Variants in TMEM266 observed in about 807,000 individuals in gnomAD.
TMEM266 encodes Hv1 related protein 1.
TMEM266 carries 33 observed loss-of-function variants against 50.5 expected under a neutral mutation model. The observed-to-expected ratio is 0.65, with a 90% CI of 0.50 to 0.87. The LOEUF (loss-of-function observed/expected upper bound fraction) is 0.87, where lower values mean the gene tolerates loss of function less well. TMEM266 is among the 40% of genes least tolerant of loss of function. TMEM266 has a pLI of 0.00. For missense variants in TMEM266, 655 were observed against 695.1 expected, an observed-to-expected ratio of 0.94 and a Z score of 0.65; for synonymous variants, 310 against 292.3, an observed-to-expected ratio of 1.06 and a Z score of -0.62.
Position 76,161,374 on chromosome 15 carries a change from G to A in TMEM266, c.456+1206G>A, listed in dbSNP as rs535271316. Among the ~76,000 whole-genome samples, 123 of 152,220 alleles carry A rather than the reference G, an allele frequency of 8.1e-4. 1 individual carries two copies. Among genetic ancestry groups the A allele is most frequent in the African/African-American group, 2.7e-3 (112 of 41,536 alleles). On this transcript the variant is annotated intron_variant, in intron 5 of 10. Coordinates refer to ENST00000388942, the MANE Select transcript of TMEM266 (RefSeq NM_152335.3). This position sits in a 1 kb window ranked among gnomAD's most constrained non-coding sequence, Gnocchi z 4.1. ...GAAGGATGCTATGGGAGAGGGTGGC[G>A]TGGGCAGAGGCACTGAGGTGGGGAA...
intron 1 of TMEM266, among the ~76,000 whole-genome samples, chr15:76,081,716 G>A (rs1393964925): frequency 6.6e-6 from 1 of 152,146 alleles, no homozygotes; most frequent in Non-Finnish European, 1.5e-5. Context: ...GTGAAAATCT[G>A]GTAGATGGCG....
In TMEM266 at chr15:76,134,242, C is replaced by T. The variant is rs1203106790; in HGVS notation, c.-22C>T. 6.2e-7 allele frequency: 1 copy of T among 1,613,680 alleles called. No homozygotes were observed. ...CAGCAGGCTTCAGGACAGCTGAGCC[C>T]CACTAAACACCAAGAAAACCCATGG... On this transcript the variant is annotated 5_prime_UTR_variant, in exon 2 of 11. Coordinates refer to ENST00000388942, the MANE Select transcript of TMEM266 (RefSeq NM_152335.3).
intron 1 of TMEM266, among the ~76,000 whole-genome samples, chr15:76,098,928 C>G (rs529356114): frequency 1.3e-5 from 2 of 152,202 alleles, no homozygotes; most frequent in South Asian, 4.2e-4. Flanking sequence ...CCCTCCCCCC[C>G]ACCAAGCTAG....
chr15:76,075,754 A>G (rs1053295849), intron 1 of TMEM266, among the ~76,000 whole-genome samples: 2 of 148,774 alleles, frequency 1.3e-5, no homozygotes, highest in African/African-American at 5.0e-5. Flanking sequence ...TCTCTCATCT[A>G]TCACATACAT....
chr15:76,166,418 C>CA (rs575431530), intron 5 of TMEM266, among the ~76,000 whole-genome samples: 130 of 152,302 alleles, frequency 8.5e-4, no homozygotes, highest in African/African-American at 2.8e-3. Context: ...GAAAGGCTCC[C>CA]AGAAGAGTGG....
chr15:76,166,162 A>G (rs1478419616), intron 5 of TMEM266, among the ~76,000 whole-genome samples: 2 of 151,992 alleles, frequency 1.3e-5, no homozygotes, highest in African/African-American at 4.8e-5. Flanking sequence ...GGGGCAGGGC[A>G]GTGAGGTTCT....
chr15:76,171,418 G>C (rs542884134), intron 7 of TMEM266, among the ~76,000 whole-genome samples: 1 of 152,348 alleles, frequency 6.6e-6, no homozygotes, highest in Non-Finnish European at 1.5e-5. Flanking sequence ...CAGCCCCCAT[G>C]CAAGCCCTTA....
At position 76,138,047 on chromosome 15, in the gene TMEM266, C is replaced by T. The variant is rs2037618540; in HGVS notation, c.227+152C>T. 6 of 678,926 alleles carry T rather than the reference C, an allele frequency of 8.8e-6. No homozygotes were observed. In the South Asian group the frequency reaches 9.7e-5, roughly 11 times the overall value. 42.1% of individuals were successfully genotyped at this position (678,926 alleles called of 1,614,324 possible). A position where few individuals can be genotyped will look rare whatever the true frequency, so the allele number is the denominator to read the frequency against. On this transcript the variant is annotated intron_variant, in intron 3 of 10. Transcript: ENST00000388942. Reference sequence around the variant, plus strand: ...GACCAGCCTGGCCAACATGGTAAAACCCTGTCTCTACTAAAAATACAAAAA... The same window carrying T: ...GACCAGCCTGGCCAACATGGTAAAATCCTGTCTCTACTAAAAATACAAAAA...
intron 1 of TMEM266, among the ~76,000 whole-genome samples, chr15:76,064,722 C>G (rs747422469): frequency 4.6e-5 from 7 of 152,182 alleles, no homozygotes; most frequent in Non-Finnish European, 5.9e-5. Context: ...GCTGATAACT[C>G]CTATTCCCAG....
chr15:76,136,008 A>G (rs1301705512), intron 2 of TMEM266, among the ~76,000 whole-genome samples: 1 of 151,874 alleles, frequency 6.6e-6, no homozygotes, highest in Non-Finnish European at 1.5e-5. Flanking sequence ...CAATGGCCCA[A>G]TCTCAGCTCA....
chr15:76,060,719 C>T (rs898540724), intron 1 of TMEM266, among the ~76,000 whole-genome samples: 6 of 152,206 alleles, frequency 3.9e-5, no homozygotes, highest in African/African-American at 1.2e-4. Context: ...CTGGGACTTG[C>T]ATACTCAAAC....
intron 1 of TMEM266, among the ~76,000 whole-genome samples, chr15:76,127,902 C>T (rs1043935890): frequency 2.0e-5 from 3 of 152,080 alleles, no homozygotes; most frequent in Admixed American, 6.6e-5. Context: ...TGTACATTTT[C>T]GAACACTCCA....
At chr15:76,093,253 C>T (rs2036877035) in intron 1 of TMEM266, among the ~76,000 whole-genome samples, 1 of 151,844 alleles carries the variant, frequency 6.6e-6, no homozygotes, top group Non-Finnish European at 1.5e-5. Flanking sequence ...CTGTCACCTA[C>T]ATTAAGTATT....
intron 8 of TMEM266, among the ~76,000 whole-genome samples, chr15:76,189,376 G>A (rs1186322838): frequency 6.6e-6 from 1 of 151,598 alleles, no homozygotes; most frequent in Non-Finnish European, 1.5e-5. Context: ...AAGGAAGGAA[G>A]GAAGGAAAGA....
chr15:76,180,236 A>G (rs2038377483), intron 8 of TMEM266, among the ~76,000 whole-genome samples: 1 of 152,154 alleles, frequency 6.6e-6, no homozygotes, highest in Non-Finnish European at 1.5e-5. Context: ...AGGTTTTCTT[A>G]GTATTTAATC....
At chr15:76,109,342 T>G (rs958125703) in intron 1 of TMEM266, among the ~76,000 whole-genome samples, 11 of 152,222 alleles carry the variant, frequency 7.2e-5, no homozygotes, top group Admixed American at 1.3e-4. Context: ...GGGGCCATTT[T>G]TCAAGCAAGA....
intron 1 of TMEM266, among the ~76,000 whole-genome samples, chr15:76,131,361 C>T (rs555776514): frequency 3.3e-5 from 5 of 152,248 alleles, no homozygotes; most frequent in Middle Eastern, 3.4e-3. Context: ...GCAACAAGAG[C>T]GAAACTCTGT....
intron 9 of TMEM266, among the ~76,000 whole-genome samples, chr15:76,201,404 T>A (rs2038745917): frequency 6.6e-6 from 1 of 152,056 alleles, no homozygotes; most frequent in Admixed American, 6.5e-5. Context: ...CCTTATTATT[T>A]ATTTGGAGAC....
Position 76,160,265 on chromosome 15 carries a change from T to TC in TMEM266, c.456+101dup. 8.2e-7 allele frequency: 1 copy of TC among 1,226,044 alleles called. No individual in the cohort carries two copies. Among genetic ancestry groups the TC allele is most frequent in the South Asian group, 1.3e-5 (1 of 79,226 alleles). The allele number at this position is 1,226,044 out of a possible 1,614,324, so 75.9% of individuals were successfully genotyped here. A position where few individuals can be genotyped will look rare whatever the true frequency, so the allele number is the denominator to read the frequency against. ...TCTCGAAATGGTTTCTAGCATCAGG[T>TC]CCCCTGCTAGCCCTTGAGGCTGCTG... On this transcript the variant is annotated intron_variant, in intron 5 of 10. Transcript: ENST00000388942. This position sits in a 1 kb window ranked among gnomAD's most constrained non-coding sequence, Gnocchi z 5.7.
Sources: allele counts gnomAD v4.1 joint callset (sites outside exome capture counted in the v4.1 genomes callset), GRCh38; gene constraint gnomAD v4.1.1; non-coding constraint Gnocchi (gnomAD v3.1); transcripts MANE v1.5; gene names NCBI Gene and HGNC (gene_info 2026-07-23, HGNC 2026-07-21).